RAD51B: variants seen among roughly 807,000 people sequenced by gnomAD.
The protein encoded by RAD51B is RAD51 paralog B.
A neutral mutation model predicts 42.2 loss-of-function variants in RAD51B; 38 were observed. The observed-to-expected ratio is 0.90, with a 90% CI of 0.70 to 1.18. The LOEUF is 1.18. Among genes scored for constraint, RAD51B ranks in the 50% most tolerant of loss-of-function variants. The pLI is 0.00. For missense variants in RAD51B, 373 were observed against 400.7 expected, an observed-to-expected ratio of 0.93 and a Z score of 0.59; for synonymous variants, 154 against 145.2, an observed-to-expected ratio of 1.06 and a Z score of -0.43.
intron 10 of RAD51B, among the ~76,000 whole-genome samples, chr14:68,550,712 A>G (rs1247068873): frequency 6.6e-6 from 1 of 152,192 alleles, no homozygotes; most frequent in Non-Finnish European, 1.5e-5. Flanking sequence ...CCTATCAGCC[A>G]GCCTAGATGG....
intron 7 of RAD51B, among the ~76,000 whole-genome samples, chr14:68,094,471 A>G (rs2077157726): frequency 6.6e-6 from 1 of 152,274 alleles, no homozygotes; most frequent in Non-Finnish European, 1.5e-5. Flanking sequence ...TATTCATAGC[A>G]TATTGCCATT....
At chr14:68,023,081 A>G (rs1439341643) in intron 7 of RAD51B, among the ~76,000 whole-genome samples, 2 of 152,090 alleles carry the variant, frequency 1.3e-5, no homozygotes, top group Non-Finnish European at 2.9e-5. Context: ...GGTTGATTCC[A>G]TGTCTTTGCT....
chr14:68,375,457 C>T (rs1294548610), intron 8 of RAD51B, among the ~76,000 whole-genome samples: 5 of 152,196 alleles, frequency 3.3e-5, no homozygotes, highest in Admixed American at 6.5e-5. Flanking sequence ...TCCTCTGCCT[C>T]ATGTCATTCT....
rs1342923677 is a variant in RAD51B at position 68,682,914 on chromosome 14, T to C, written c.*11+32058T>C. On this transcript the variant is annotated intron_variant, in intron 11 of 11. Transcript: ENST00000488612. ...ATAAAAATCTGTAGCTTATGGCTTT[T>C]TTTTTTTTTTTTTTTTGTATAGGGC... The C allele has an allele frequency of 1.4e-5, 6 of 440,260 alleles. No individual in the cohort carries two copies. The African/African-American group carries it at 3.4e-4, about 25-fold the overall frequency. 27.3% of individuals were successfully genotyped at this position (440,260 alleles called of 1,614,324 possible). A position where few individuals can be genotyped will look rare whatever the true frequency, so the allele number is the denominator to read the frequency against.
At chr14:68,386,551 A>G (rs973752613) in intron 8 of RAD51B, among the ~76,000 whole-genome samples, 4 of 152,228 alleles carry the variant, frequency 2.6e-5, no homozygotes, top group Non-Finnish European at 5.9e-5. Flanking sequence ...GGCTCATCCA[A>G]GAATTTTAGC....
chr14:68,244,217 T>C (rs1366628297), intron 7 of RAD51B, among the ~76,000 whole-genome samples: 1 of 152,152 alleles, frequency 6.6e-6, no homozygotes, highest in Non-Finnish European at 1.5e-5. Flanking sequence ...AAAAAAAATC[T>C]TAACGGGAAT....
chr14:68,566,627 C>A (rs899318083), intron 10 of RAD51B, among the ~76,000 whole-genome samples: 28 of 152,256 alleles, frequency 1.8e-4, no homozygotes, highest in African/African-American at 6.5e-4. Flanking sequence ...GTCCAGGGCT[C>A]ACAGCATACA....
intron 7 of RAD51B, among the ~76,000 whole-genome samples, chr14:68,261,323 T>A (rs1028774714): frequency 1.6e-4 from 25 of 152,260 alleles, no homozygotes; most frequent in Non-Finnish European, 2.4e-4. Context: ...GTGGTGATTG[T>A]GTATCTTAAG....
intron 7 of RAD51B, among the ~76,000 whole-genome samples, chr14:68,260,320 G>T (rs999981102): frequency 6.7e-5 from 1 of 15,006 alleles, no homozygotes; most frequent in Non-Finnish European, 1.1e-4. Context: ...TGTGTGTGTG[G>T]AGAGGGGAAG....
At chr14:68,626,927 G>A (rs142172841) in intron 10 of RAD51B, among the ~76,000 whole-genome samples, 44 of 152,188 alleles carry the variant, frequency 2.9e-4, no homozygotes, top group African/African-American at 9.6e-4. Context: ...TTGTTGAACC[G>A]AGACAGAAAA....
At chr14:68,597,579 G>A (rs112458055), downstream of RAD51B, among the ~76,000 whole-genome samples, 125 of 152,264 alleles carry the variant, frequency 8.2e-4, 1 homozygote, top group African/African-American at 2.6e-3. Context: ...CTTGTAAGTG[G>A]GAGTTAAATG....
chr14:68,496,475 C>A (rs1884530790), intron 10 of RAD51B, among the ~76,000 whole-genome samples: 1 of 152,244 alleles, frequency 6.6e-6, no homozygotes, highest in Non-Finnish European at 1.5e-5. Context: ...CACTGGGGTC[C>A]ACTGTCCCCA....
chr14:68,380,182 A>G (rs542116640), intron 8 of RAD51B, among the ~76,000 whole-genome samples: 5 of 152,316 alleles, frequency 3.3e-5, no homozygotes, highest in African/African-American at 1.2e-4. Flanking sequence ...AGCTTCTGGG[A>G]ACCACGTAAA....
intron 9 of RAD51B, among the ~76,000 whole-genome samples, chr14:68,421,500 T>C (rs1208998790): frequency 1.3e-5 from 2 of 152,176 alleles, no homozygotes; most frequent in African/African-American, 4.8e-5. Flanking sequence ...TGTTGTTATT[T>C]AGTTTTTATT....
intron 11 of RAD51B, among the ~76,000 whole-genome samples, chr14:68,674,202 T>C (rs1473874949): frequency 6.6e-6 from 1 of 151,968 alleles, no homozygotes. Flanking sequence ...CATACACACA[T>C]ATACATACAT....
intron 7 of RAD51B, among the ~76,000 whole-genome samples, chr14:67,893,471 C>CAG (rs2043283184): frequency 4.2e-5 from 3 of 71,146 alleles, no homozygotes; most frequent in African/African-American, 1.7e-4. Context: ...GACACAGACA[C>CAG]ACACACACAC....
Position 68,353,651 on chromosome 14 carries a change from C to T in RAD51B, c.854-57773C>T, listed in dbSNP as rs142937052. The stretch of plus-strand genomic sequence containing the variant: ...GGGTCCACAGCAGAGAGGATAAAAA[C>T]GTGGAGGCAGAGGTGCATCCGAGTC... On this transcript the variant is annotated intron_variant, in intron 8 of 10. Coordinates refer to ENST00000471583, the MANE Select transcript of RAD51B (RefSeq NM_133510.4). Among the ~76,000 whole-genome samples the T allele has an allele frequency of 4.5e-3, 681 of 152,312 alleles. 5 individuals are homozygous for T. The highest frequency in any genetic ancestry group is 0.015 in the African/African-American group (641 of 41,564).
chr14:68,677,555 G>A (rs1051504505), intron 11 of RAD51B, among the ~76,000 whole-genome samples: 4 of 152,046 alleles, frequency 2.6e-5, no homozygotes, highest in African/African-American at 9.7e-5. Flanking sequence ...CTCCTCCTTG[G>A]TTCTAAACCC....
At chr14:68,306,437 A>T (rs1387635367) in intron 8 of RAD51B, among the ~76,000 whole-genome samples, 2 of 152,050 alleles carry the variant, frequency 1.3e-5, no homozygotes, top group Admixed American at 6.5e-5. Context: ...GTAAGAAATC[A>T]TTTTTTTTCT....
Sources: gnomAD v4.1 joint callset for allele counts (sites outside exome capture counted in the v4.1 genomes callset) on GRCh38, gnomAD v4.1.1 for gene constraint, MANE v1.5 for transcripts, NCBI Gene and HGNC (gene_info 2026-07-23, HGNC 2026-07-21) for gene names.